Variants in PKIB observed in about 807,000 individuals in gnomAD.
The protein encoded by PKIB is cAMP-dependent protein kinase inhibitor beta.
Under a neutral mutation model 4.5 loss-of-function variants are expected in PKIB, and 2 were observed. The observed-to-expected ratio is 0.44, with a 90% CI of 0.18 to 1.39. PKIB has a LOEUF of 1.39. Among genes scored for constraint, PKIB ranks in the 40% most tolerant of loss-of-function variants. PKIB has a pLI of 0.27. For missense variants in PKIB, 94 were observed against 92.6 expected (o/e 1.02, Z -0.06); for synonymous variants, 38 against 36.0 (o/e 1.06, Z -0.20).
At chr6:122,514,395 A>G (rs1199168310) in intron 2 of PKIB, among the ~76,000 whole-genome samples, 3 of 152,314 alleles carry the variant, frequency 2.0e-5, no homozygotes, top group Admixed American at 6.5e-5. Context: ...ATGGTGGTAC[A>G]TGCTTGAAAC....
rs563689158 is a variant in PKIB at position 122,642,468 on chromosome 6, A to G, written c.-76+9101A>G. Among the ~76,000 whole-genome samples, 3 of 152,368 alleles carry G rather than the reference A, an allele frequency of 2.0e-5. No individual in the cohort carries two copies. The East Asian group carries it at 5.8e-4, about 29-fold the overall frequency. On this transcript the variant is annotated intron_variant, in intron 2 of 4. Transcript: ENST00000368452. The stretch of plus-strand genomic sequence containing the variant: ...CCTCGTTAGAAAAATGAAGTCTGAT[A>G]CCTTGCTTTCACAATGGCTGGTAAG...
intron 1 of PKIB, among the ~76,000 whole-genome samples, chr6:122,627,531 A>G (rs912214979): frequency 2.0e-5 from 3 of 152,194 alleles, no homozygotes; most frequent in Non-Finnish European, 2.9e-5. Context: ...ATTTGAACTC[A>G]TCATGTTCCT....
chr6:122,658,286 G>C (rs921631520), intron 2 of PKIB, among the ~76,000 whole-genome samples: 2 of 151,996 alleles, frequency 1.3e-5, no homozygotes, highest in Non-Finnish European at 2.9e-5. Flanking sequence ...CACTAAATTA[G>C]TTACTGTATA....
chr6:122,593,660 G>A (rs940449402), intron 3 of PKIB, among the ~76,000 whole-genome samples: 1 of 152,140 alleles, frequency 6.6e-6, no homozygotes, highest in African/African-American at 2.4e-5. Context: ...TACAATCCTA[G>A]TTAAGACTGA....
intron 3 of PKIB, among the ~76,000 whole-genome samples, chr6:122,716,969 A>G (rs1582842673): frequency 6.6e-6 from 1 of 152,106 alleles, no homozygotes. Flanking sequence ...TTTTCAATAC[A>G]ATGCTTCTGC....
chr6:122,634,812 G>C (rs544598571), intron 2 of PKIB, among the ~76,000 whole-genome samples: 8 of 152,036 alleles, frequency 5.3e-5, no homozygotes, highest in Non-Finnish European at 7.4e-5. Context: ...TGTGATGGCG[G>C]GCGCCTGTAT....
chr6:122,504,441 T>C (rs1299428849), intron 2 of PKIB, among the ~76,000 whole-genome samples: 3 of 152,226 alleles, frequency 2.0e-5, no homozygotes, highest in African/African-American at 4.8e-5. Context: ...ATGGTACTTA[T>C]ACCATTAGGT....
intron 2 of PKIB, among the ~76,000 whole-genome samples, chr6:122,527,853 A>G (rs1276893155): frequency 6.6e-6 from 1 of 152,168 alleles, no homozygotes; most frequent in Non-Finnish European, 1.5e-5. Flanking sequence ...AAGAAACACA[A>G]TATTTGTGAA....
intron 3 of PKIB, among the ~76,000 whole-genome samples, chr6:122,596,132 A>G (rs964804598): frequency 6.6e-6 from 1 of 152,242 alleles, no homozygotes. Flanking sequence ...GTGCACAACC[A>G]GGTGCACTGC....
At chr6:122,493,219 T>TA (rs1323777385) in intron 2 of PKIB, 1 of 152,214 alleles carries the variant, frequency 6.6e-6, no homozygotes, top group Non-Finnish European at 1.5e-5. Flanking sequence ...GTTACTGTGT[T>TA]AGGAGTTAGG....
chr6:122,546,086 T>A (rs558399765), intron 2 of PKIB, among the ~76,000 whole-genome samples: 36 of 152,142 alleles, frequency 2.4e-4, no homozygotes, highest in African/African-American at 8.7e-4. Context: ...AGAGGGTGTC[T>A]TAGTGCCAAC....
At chr6:122,563,078 C>G (rs1773079987) in intron 2 of PKIB, among the ~76,000 whole-genome samples, 1 of 152,022 alleles carries the variant, frequency 6.6e-6, no homozygotes, top group Admixed American at 6.6e-5. Flanking sequence ...CTGGTTCCTT[C>G]TCATTTAGGT....
chr6:122,520,613 T>C (rs1477421712), intron 2 of PKIB, among the ~76,000 whole-genome samples: 1 of 152,134 alleles, frequency 6.6e-6, no homozygotes, highest in Non-Finnish European at 1.5e-5. Flanking sequence ...TTATTTCCTC[T>C]TCTTAAGCTC....
chr6:122,535,156 A>T (rs555597367), intron 2 of PKIB, among the ~76,000 whole-genome samples: 1 of 152,260 alleles, frequency 6.6e-6, no homozygotes, highest in Non-Finnish European at 1.5e-5. Flanking sequence ...CGTCTGCAGA[A>T]CAAGTTTGGT....
chr6:122,495,438 G>A (rs1220919088), intron 2 of PKIB, among the ~76,000 whole-genome samples: 2 of 152,084 alleles, frequency 1.3e-5, no homozygotes, highest in African/African-American at 2.4e-5. Context: ...CCACTTAAGT[G>A]TTCCATCTGC....
chr6:122,718,298 A>C (rs909794050), intron 4 of PKIB, among the ~76,000 whole-genome samples: 3 of 152,206 alleles, frequency 2.0e-5, no homozygotes. Context: ...AAGTATTCAT[A>C]AATAAAATAA....
chr6:122,686,712 C>T (rs754000738), intron 3 of PKIB, among the ~76,000 whole-genome samples: 2 of 152,034 alleles, frequency 1.3e-5, no homozygotes, highest in Non-Finnish European at 2.9e-5. Context: ...GTCTTTTGAA[C>T]TCCTGTGCAG....
chr6:122,587,993 A>G (rs1357202561), intron 3 of PKIB, among the ~76,000 whole-genome samples: 4 of 152,110 alleles, frequency 2.6e-5, no homozygotes, highest in Non-Finnish European at 5.9e-5. Context: ...CTCTGATGGT[A>G]GTTTCTTTTG....
chr6:122,624,780 A>T (rs557508755), intron 1 of PKIB, among the ~76,000 whole-genome samples: 1 of 152,272 alleles, frequency 6.6e-6, no homozygotes, highest in African/African-American at 2.4e-5. Context: ...GATCTTAGGG[A>T]TGCATCTCAC....
Sources: allele counts gnomAD v4.1 joint callset (sites outside exome capture counted in the v4.1 genomes callset), GRCh38; gene constraint gnomAD v4.1.1; transcripts MANE v1.5; gene names NCBI Gene and HGNC (gene_info 2026-07-23, HGNC 2026-07-21).